PCDH11Y: variants seen among roughly 807,000 people sequenced by gnomAD.
PCDH11Y encodes the protein protocadherin 11 Y-linked, also known as protocadherin-11 Y-linked.
For synonymous variants in PCDH11Y, 9 were observed against 83.6 expected, an observed-to-expected ratio of 0.11 and a Z score of 4.87; for missense variants, 12 against 224.8, an observed-to-expected ratio of 0.05 and a Z score of 6.05.
chrY:5,079,553 C>T, intron 1 of PCDH11Y, among the ~76,000 whole-genome samples: 1 of 31,143 alleles, frequency 3.2e-5, no homozygotes, highest in Non-Finnish European at 7.8e-5. Flanking sequence ...ACGTATAAGC[C>T]ACCAAGGCTT....
intron 2 of PCDH11Y, chrY:5,337,651 G>A: frequency 1.2e-5 from 2 of 170,487 alleles, no homozygotes; most frequent in Non-Finnish European, 1.7e-5. Context: ...AAAATGACAA[G>A]TCTATCCCTT....
downstream of PCDH11Y, chrY:5,104,960 G>A: frequency 4.5e-6 from 1 of 224,251 alleles, no homozygotes; most frequent in Non-Finnish European, 5.4e-6. Context: ...AAAGTTGAGT[G>A]GGCCGGGCGC....
intron 2 of PCDH11Y, among the ~76,000 whole-genome samples, chrY:5,329,870 C>T: frequency 3.0e-5 from 1 of 33,147 alleles, no homozygotes; most frequent in East Asian, 8.3e-4. Flanking sequence ...TTGTGCTGGT[C>T]GGTCTGAGGA....
intron 4 of PCDH11Y, among the ~76,000 whole-genome samples, chrY:5,688,308 A>C (rs2053565385): frequency 3.2e-5 from 1 of 30,957 alleles, no homozygotes; most frequent in Non-Finnish European, 7.8e-5. Flanking sequence ...TAATCATTGG[A>C]GAGGTATTGT....
intron 2 of PCDH11Y, among the ~76,000 whole-genome samples, chrY:5,142,529 T>G: frequency 3.1e-5 from 1 of 32,774 alleles, no homozygotes. Context: ...AAATTAAGAC[T>G]ATAAAATTAA....
chrY:5,704,888 G>T (rs878880481), intron 4 of PCDH11Y, among the ~76,000 whole-genome samples: 1 of 32,554 alleles, frequency 3.1e-5, no homozygotes, highest in Non-Finnish European at 7.6e-5. Flanking sequence ...TCTGTACATT[G>T]TATTTTAACT....
intron 3 of PCDH11Y, among the ~76,000 whole-genome samples, chrY:5,551,545 G>A: frequency 3.1e-5 from 1 of 32,276 alleles, no homozygotes; most frequent in Non-Finnish European, 7.6e-5. Context: ...GGTTGACAAA[G>A]TTCAGGATAT....
intron 2 of PCDH11Y, among the ~76,000 whole-genome samples, chrY:5,432,663 C>T: frequency 3.1e-5 from 1 of 32,369 alleles, no homozygotes; most frequent in Non-Finnish European, 7.6e-5. Flanking sequence ...ATACAGGCCA[C>T]AATTGCATAA....
At chrY:5,384,490 C>T in intron 2 of PCDH11Y, among the ~76,000 whole-genome samples, 1 of 29,771 alleles carries the variant, frequency 3.4e-5, no homozygotes, top group Admixed American at 3.2e-4. Context: ...TTATGATACT[C>T]AGGAGAATAA....
chrY:5,503,520 A>G, intron 3 of PCDH11Y, among the ~76,000 whole-genome samples: 1 of 32,899 alleles, frequency 3.0e-5, no homozygotes, highest in East Asian at 7.8e-4. Flanking sequence ...CTCTCCTACT[A>G]AATGTGAAAC....
intron 4 of PCDH11Y, among the ~76,000 whole-genome samples, chrY:5,630,384 C>T: frequency 6.0e-5 from 2 of 33,298 alleles, no homozygotes; most frequent in African/African-American, 2.3e-4. Context: ...TCTGCGGCAG[C>T]TGTGTAATTT....
At position 5,415,679 on chromosome Y, in the gene PCDH11Y, C is replaced by T. The variant is rs1602922356; in HGVS notation, c.3130-85378C>T. On this transcript the variant is annotated intron_variant, in intron 2 of 4. Transcript: ENST00000400457. Reference sequence around the variant, plus strand: ...GTCTAGAGTGTCCTGAGGAGCATGGCGAGCCTTGGGGAATGGGCGTCCCTG... The same window carrying T: ...GTCTAGAGTGTCCTGAGGAGCATGGTGAGCCTTGGGGAATGGGCGTCCCTG... Among the ~76,000 whole-genome samples, 10 of 29,040 alleles carry T rather than the reference C, an allele frequency of 3.4e-4. No homozygotes were observed. The South Asian group carries it at 8.6e-3, about 25-fold the overall frequency. 77.9% of individuals were successfully genotyped at this position (29,040 alleles called of 37,273 possible).
At chrY:5,108,437 A>G, downstream of PCDH11Y, among the ~76,000 whole-genome samples, 1 of 33,157 alleles carries the variant, frequency 3.0e-5, no homozygotes, top group African/African-American at 1.2e-4. Context: ...CACCCTGTCC[A>G]CATTATGAAT....
chrY:5,599,390 T>G, intron 4 of PCDH11Y, among the ~76,000 whole-genome samples: 1 of 33,020 alleles, frequency 3.0e-5, no homozygotes, highest in Non-Finnish European at 7.4e-5. Context: ...TAAAATAATA[T>G]GCAGGACACA....
At chrY:5,307,635 G>A (rs2124664026) in intron 2 of PCDH11Y, among the ~76,000 whole-genome samples, 4 of 32,704 alleles carry the variant, frequency 1.2e-4, no homozygotes, top group Non-Finnish European at 3.0e-4. Flanking sequence ...CCTAGTTATG[G>A]TTGACAGCCT....
chrY:5,331,704 C>T (rs2053131569), intron 2 of PCDH11Y, among the ~76,000 whole-genome samples: 2 of 33,238 alleles, frequency 6.0e-5, no homozygotes, highest in East Asian at 8.0e-4. Context: ...CCAGATGGAA[C>T]GAATGTAAAT....
chrY:5,056,637 T>C, exon 1 of PCDH11Y: 1 of 233,748 alleles, frequency 4.3e-6, no homozygotes, highest in South Asian at 5.1e-5. Flanking sequence ...TTATCAATGG[T>C]GGACACTTTT....
intron 4 of PCDH11Y, among the ~76,000 whole-genome samples, chrY:5,666,892 G>C: frequency 3.2e-4 from 10 of 31,102 alleles, no homozygotes; most frequent in African/African-American, 1.3e-3. Context: ...CATTTACCTT[G>C]AGAAAAAAAT....
chrY:5,248,187 A>T, intron 2 of PCDH11Y, among the ~76,000 whole-genome samples: 3 of 27,248 alleles, frequency 1.1e-4, no homozygotes, highest in African/African-American at 4.3e-4. Context: ...AAACCATTCC[A>T]AACAATTGTA....
Sources: allele counts gnomAD v4.1 joint callset (sites outside exome capture counted in the v4.1 genomes callset), GRCh38; gene constraint gnomAD v4.1.1; transcripts MANE v1.5; gene names NCBI Gene and HGNC (gene_info 2026-07-23, HGNC 2026-07-21).